The following RPH3A variants were observed in gnomAD, a reference collection of about 807,000 sequenced individuals.
The protein encoded by RPH3A is rabphilin 3A, also known as rabphilin-3A.
A neutral mutation model predicts 102.2 loss-of-function variants in RPH3A; 48 were observed. The observed-to-expected ratio is 0.47, with a 90% confidence interval of 0.37 to 0.60. The LOEUF is 0.60. Among genes scored for constraint, RPH3A ranks in the 20% least tolerant of loss-of-function variants. The probability of loss-of-function intolerance (pLI) is 0.00; values close to 1 mark genes in which losing one functional copy is unlikely to be tolerated. For synonymous variants in RPH3A, 310 were observed against 324.3 expected (o/e 0.96, Z 0.47); for missense variants, 781 against 910.1 (o/e 0.86, Z 1.83).
chr12:112,858,494 T>G (rs979721832), intron 5 of RPH3A, among the ~76,000 whole-genome samples: 2 of 152,056 alleles, frequency 1.3e-5, no homozygotes, highest in African/African-American at 4.8e-5. Context: ...CACATGCTAT[T>G]CCCCGGTTTC....
chr12:112,706,378 C>A (rs2040426793), intron 1 of RPH3A, among the ~76,000 whole-genome samples: 1 of 152,140 alleles, frequency 6.6e-6, no homozygotes, highest in African/African-American at 2.4e-5. Flanking sequence ...TGCAATGAAG[C>A]CCCAGTCGCC....
At chr12:112,734,701 G>A (rs755727141) in intron 1 of RPH3A, among the ~76,000 whole-genome samples, 30 of 152,300 alleles carry the variant, frequency 2.0e-4, no homozygotes, top group South Asian at 4.2e-4. Flanking sequence ...AAAGGGTGAG[G>A]AATTCCCAGA....
intron 2 of RPH3A, among the ~76,000 whole-genome samples, chr12:112,798,859 C>T (rs930079575): frequency 2.0e-5 from 3 of 152,072 alleles, no homozygotes; most frequent in African/African-American, 7.2e-5. Context: ...CTTTCTCTCT[C>T]CTCTGCCCCT....
At chr12:112,679,010 G>A (rs147073905) in intron 1 of RPH3A, among the ~76,000 whole-genome samples, 1 of 152,100 alleles carries the variant, frequency 6.6e-6, no homozygotes, top group South Asian at 2.1e-4. Flanking sequence ...GCAAACATCA[G>A]AATGCCAACT....
intron 1 of RPH3A, among the ~76,000 whole-genome samples, chr12:112,681,070 A>G (rs1006990987): frequency 6.6e-6 from 1 of 151,916 alleles, no homozygotes; most frequent in Non-Finnish European, 1.5e-5. Context: ...CTCTCTGCCT[A>G]CTCTGGCCCA....
intron 17 of RPH3A, among the ~76,000 whole-genome samples, chr12:112,888,746 G>T (rs930174544): frequency 1.3e-5 from 2 of 152,184 alleles, no homozygotes; most frequent in Non-Finnish European, 1.5e-5. Flanking sequence ...TCTGCAATGG[G>T]GTTGCACCTC....
At position 112,667,662 on chromosome 12, in the gene RPH3A, AAGAGAGAGAGAGAGAGAGAGAG is replaced by A. The variant is rs71086114; in HGVS notation, c.-140+92381_-140+92402del. Among the ~76,000 whole-genome samples the A allele has an allele frequency of 7.8e-3, 570 of 72,832 alleles. 6 individuals are homozygous for A. Among genetic ancestry groups the A allele is most frequent in the South Asian group, 0.026 (51 of 1,956 alleles). 47.8% of individuals were successfully genotyped at this position (72,832 alleles called of 152,430 possible). On this transcript the variant is annotated intron_variant, in intron 1 of 21. Coordinates refer to the RPH3A transcript ENST00000543106. ...CACCATTCATGGGCAGAGATGAATAAAGAGAGAGAGAGAGAGAGAGAGAGAGAGAGAGAGAGAGAGAGAGAGA... is the reference window on the plus strand; with the variant it reads ...CACCATTCATGGGCAGAGATGAATAAAGAGAGAGAGAGAGAGAGAGAGAGA...
chr12:112,621,008 T>G (rs2039718294), intron 1 of RPH3A, among the ~76,000 whole-genome samples: 1 of 144,064 alleles, frequency 6.9e-6, no homozygotes, highest in African/African-American at 2.8e-5. Flanking sequence ...TTTAACATTA[T>G]TATTTTTTTT....
chr12:112,644,633 T>C (rs751913246), intron 1 of RPH3A, among the ~76,000 whole-genome samples: 23 of 152,232 alleles, frequency 1.5e-4, no homozygotes, highest in Non-Finnish European at 2.8e-4. Flanking sequence ...ACGTACTATA[T>C]GCCAGGTACT....
intron 10 of RPH3A, among the ~76,000 whole-genome samples, chr12:112,873,408 C>A (rs1445791366): frequency 6.6e-6 from 1 of 152,246 alleles, no homozygotes; most frequent in Non-Finnish European, 1.5e-5. Flanking sequence ...ACTTGAGGGA[C>A]TGAGAGCAGC....
intron 1 of RPH3A, among the ~76,000 whole-genome samples, chr12:112,739,822 G>A (rs747475754): frequency 2.0e-5 from 3 of 152,180 alleles, no homozygotes; most frequent in Non-Finnish European, 4.4e-5. Context: ...AGGAAGGAAA[G>A]ACCAAGGAAT....
chr12:112,877,006 G>C (rs2042815008), intron 13 of RPH3A, 140 bp downstream of exon 13: 2 of 515,880 alleles, frequency 3.9e-6, no homozygotes, highest in Admixed American at 8.2e-5. Context: ...TTAACCAAGT[G>C]ATAGAAGTAC....
At chr12:112,696,297 G>A (rs1027882333) in intron 1 of RPH3A, among the ~76,000 whole-genome samples, 3 of 152,224 alleles carry the variant, frequency 2.0e-5, no homozygotes, top group African/African-American at 7.2e-5. Context: ...CTGTAAATGT[G>A]TGTGTATGTG....
intron 1 of RPH3A, among the ~76,000 whole-genome samples, chr12:112,711,017 TC>T (rs201539323): frequency 0.014 from 2,058 of 152,260 alleles, 41 homozygotes; most frequent in South Asian, 0.064. Flanking sequence ...TCAGAAGAAC[TC>T]CAAGCAGGCA....
At chr12:112,822,097 TAGTC>T (rs546337992) in intron 2 of RPH3A, among the ~76,000 whole-genome samples, 3 of 151,306 alleles carry the variant, frequency 2.0e-5, no homozygotes, top group South Asian at 2.1e-4. Flanking sequence ...CCCCATCAAA[TAGTC>T]AGAGTGATTT....
intron 1 of RPH3A, among the ~76,000 whole-genome samples, chr12:112,613,008 T>C (rs2039650904): frequency 6.6e-6 from 1 of 152,170 alleles, no homozygotes; most frequent in African/African-American, 2.4e-5. Flanking sequence ...ATAATGATGA[T>C]GATGATGATA....
chr12:112,638,436 T>C (rs554914360), intron 1 of RPH3A, among the ~76,000 whole-genome samples: 12 of 152,326 alleles, frequency 7.9e-5, no homozygotes, highest in African/African-American at 2.6e-4. Flanking sequence ...CTTAATTAGA[T>C]AACCACCCGA....
chr12:112,584,966 C>G (rs910311664), intron 1 of RPH3A, among the ~76,000 whole-genome samples: 1 of 152,164 alleles, frequency 6.6e-6, no homozygotes, highest in African/African-American at 2.4e-5. Flanking sequence ...GTCTGAGTCC[C>G]AAAACCTCAA....
At chr12:112,657,147 G>GA in intron 1 of RPH3A, among the ~76,000 whole-genome samples, 1 of 152,128 alleles carries the variant, frequency 6.6e-6, no homozygotes, top group Non-Finnish European at 1.5e-5. Flanking sequence ...ACTGGTGTAA[G>GA]ATGGGATCTC....
Sources: allele counts gnomAD v4.1 joint callset (sites outside exome capture counted in the v4.1 genomes callset), GRCh38; gene constraint gnomAD v4.1.1; transcripts MANE v1.5; gene names NCBI Gene and HGNC (gene_info 2026-07-23, HGNC 2026-07-21).